Variants in RIF1 observed in about 807,000 individuals in gnomAD.
RIF1 encodes the protein replication timing regulatory factor 1.
RIF1 carries 45 observed loss-of-function variants against 247.1 expected under a neutral mutation model. That is an observed-to-expected ratio of 0.18 (90% CI 0.14 to 0.23). The LOEUF (loss-of-function observed/expected upper bound fraction) is 0.23. Ranked by LOEUF, RIF1 falls within the 10% of genes least tolerant of loss-of-function variation. The pLI is 1.00. For synonymous variants in RIF1, 1,087 were observed against 978.8 expected, an observed-to-expected ratio of 1.11 and a Z score of -2.06; for missense variants, 2,967 against 2,862.5, an observed-to-expected ratio of 1.04 and a Z score of -0.83.
intron 8 of RIF1, among the ~76,000 whole-genome samples, chr2:151,425,813 CGCA>C: frequency 1.3e-5 from 2 of 151,358 alleles, no homozygotes; most frequent in African/African-American, 4.9e-5. Context: ...ATTACAGGCG[CGCA>C]CTACCATGCT....
At chr2:151,496,499 C>CA in intron 10 of RIF1, 2 of 1,446,508 alleles carry the variant, frequency 1.4e-6, no homozygotes, top group Non-Finnish European at 1.8e-6. Context: ...TATATGCTGA[C>CA]AAAATGCCAC....
intron 22 of RIF1, among the ~76,000 whole-genome samples, chr2:151,455,532 A>G (rs894078609): frequency 6.6e-6 from 1 of 152,224 alleles, no homozygotes; most frequent in Non-Finnish European, 1.5e-5. Context: ...TGGGTTCTGC[A>G]TTCATGGATT....
chr2:151,433,005 G>GT, intron 9 of RIF1, 72 bp from the exon 10 acceptor site: 2 of 1,159,198 alleles, frequency 1.7e-6, no homozygotes, highest in Non-Finnish European at 2.4e-6. Flanking sequence ...ATAAAAGACT[G>GT]TTGCATAGCT....
chr2:151,498,248 T>C, intron 10 of RIF1: 1 of 1,551,248 alleles, frequency 6.4e-7, no homozygotes, highest in Non-Finnish European at 8.7e-7. Context: ...TTCCCCTTTC[T>C]TTCCAAAATA....
At chr2:151,533,825 GA>G in the RIF1 span, among the ~76,000 whole-genome samples, 1 of 152,230 alleles carries the variant, frequency 6.6e-6, no homozygotes, top group South Asian at 2.1e-4. Context: ...GACATCTTTG[GA>G]ATAGAAAGAT....
chr2:151,416,930 A>G, intron 6 of RIF1, 29 bp downstream of exon 6: 1 of 1,531,434 alleles, frequency 6.5e-7, no homozygotes, highest in Non-Finnish European at 9.0e-7. Context: ...TGCAAATTGA[A>G]GAATAGTTTT....
chr2:151,505,925 G>A (rs1033445627), intron 12 of RIF1: 20 of 570,986 alleles, frequency 3.5e-5, no homozygotes, highest in Middle Eastern at 4.7e-4. Flanking sequence ...TGACTGTACC[G>A]GATTCTACCT....
chr2:151,445,628 A>G (rs929982372), intron 19 of RIF1, among the ~76,000 whole-genome samples, 183 bp downstream of exon 19: 2 of 152,062 alleles, frequency 1.3e-5, no homozygotes, highest in African/African-American at 2.4e-5. Context: ...GCTTACTGCA[A>G]CCTCTGCCTT....
chr2:151,500,622 G>T (rs1222801646), intron 11 of RIF1, among the ~76,000 whole-genome samples: 52 of 145,520 alleles, frequency 3.6e-4, no homozygotes, highest in Admixed American at 2.8e-4. Context: ...TTGAAACAGG[G>T]TCTCACTCCT....
At chr2:151,514,478 T>A in the RIF1 span, 3 of 1,357,002 alleles carry the variant, frequency 2.2e-6, no homozygotes, top group South Asian at 3.5e-5. Context: ...CCCAGATTGA[T>A]TCTCTCAGGC....
chr2:151,424,411 T>A (rs1321936362), intron 8 of RIF1, among the ~76,000 whole-genome samples: 1 of 152,200 alleles, frequency 6.6e-6, no homozygotes, highest in East Asian at 1.9e-4. Context: ...AGCATAAAGT[T>A]TTTAAGATTT....
At chr2:151,458,952 T>C (rs373753761) in intron 25 of RIF1, 42 bp downstream of exon 25, 66 of 1,240,238 alleles carry the variant, frequency 5.3e-5, no homozygotes, top group Non-Finnish European at 7.0e-6. Flanking sequence ...TTTGGACATT[T>C]AAGTTATTTG....
intron 10 of RIF1, chr2:151,496,819 T>A: frequency 8.2e-7 from 1 of 1,212,836 alleles, no homozygotes; most frequent in Non-Finnish European, 1.2e-6. Flanking sequence ...AAAGGATAAA[T>A]TTGCTAAAGA....
chr2:151,503,920 C>T (rs1426210098), intron 12 of RIF1, among the ~76,000 whole-genome samples: 1 of 152,054 alleles, frequency 6.6e-6, no homozygotes, highest in Non-Finnish European at 1.5e-5. Flanking sequence ...TCTGTAGGAG[C>T]CTAGTCCCTG....
chr2:151,485,758 G>A (rs1428147523), downstream of RIF1: 1 of 1,606,704 alleles, frequency 6.2e-7, no homozygotes, highest in Admixed American at 1.7e-5. Flanking sequence ...GCTTTGAAAT[G>A]CCTAAATAGC....
chr2:151,420,465 A>G (rs1687966674), intron 7 of RIF1, 86 bp downstream of exon 7: 1 of 1,315,230 alleles, frequency 7.6e-7, no homozygotes, highest in Non-Finnish European at 1.1e-6. Context: ...GTGGCCAGGT[A>G]CGGTGGCTCT....
At chr2:151,430,106 C>T (rs563141763) in intron 9 of RIF1, among the ~76,000 whole-genome samples, 65 of 151,902 alleles carry the variant, frequency 4.3e-4, no homozygotes, top group Admixed American at 3.4e-3. Context: ...CTGCAAGCTC[C>T]GCCTCCTGGG....
At chr2:151,412,006 A>G (rs1309830777) in intron 3 of RIF1, among the ~76,000 whole-genome samples, 1 of 152,246 alleles carries the variant, frequency 6.6e-6, no homozygotes, top group Admixed American at 6.5e-5. Context: ...TTGGGAATCT[A>G]CATCTAAGTA....
the RIF1 span, chr2:151,524,661 T>G: frequency 7.7e-7 from 1 of 1,301,054 alleles, no homozygotes; most frequent in Non-Finnish European, 1.1e-6. Flanking sequence ...AGGCTTTTTT[T>G]TTTTTTTTTT....
Sources: gnomAD v4.1 joint callset for allele counts (sites outside exome capture counted in the v4.1 genomes callset) on GRCh38, gnomAD v4.1.1 for gene constraint, MANE v1.5 for transcripts, NCBI Gene and HGNC (gene_info 2026-07-23, HGNC 2026-07-21) for gene names.